The following PVT1 variants were observed in gnomAD, a reference collection of about 807,000 sequenced individuals.
PVT1 encodes the protein Pvt1 oncogene.
intron 3 of PVT1, among the ~76,000 whole-genome samples, chr8:127,958,247 T>TC (rs1484774146): frequency 6.6e-6 from 1 of 151,396 alleles, no homozygotes; most frequent in South Asian, 2.1e-4. Flanking sequence ...TTCTTTTCTT[T>TC]CTTTTTTTTT....
intron 2 of PVT1, among the ~76,000 whole-genome samples, chr8:127,820,289 A>G (rs749052253): frequency 1.3e-5 from 2 of 152,170 alleles, no homozygotes; most frequent in African/African-American, 2.4e-5. Context: ...CAGCCCAGAA[A>G]CTGATAGCTG....
At chr8:128,050,612 C>T (rs2130104292) in intron 4 of PVT1, among the ~76,000 whole-genome samples, 1 of 152,318 alleles carries the variant, frequency 6.6e-6, no homozygotes, top group East Asian at 1.9e-4. Context: ...TCAGAGAGTG[C>T]TGGGTTCAGA....
intron 2 of PVT1, among the ~76,000 whole-genome samples, chr8:127,845,630 A>C (rs1586404067): frequency 6.6e-6 from 1 of 152,206 alleles, no homozygotes; most frequent in Non-Finnish European, 1.5e-5. Context: ...TCTTCCACCT[A>C]CCGGATGGGA....
At chr8:127,955,810 C>T (rs762673742) in intron 3 of PVT1, among the ~76,000 whole-genome samples, 2 of 152,164 alleles carry the variant, frequency 1.3e-5, no homozygotes, top group African/African-American at 4.8e-5. Flanking sequence ...GTCTCAAACT[C>T]CTAGCCTCAA....
At chr8:128,034,430 A>T (rs879517781) in intron 4 of PVT1, among the ~76,000 whole-genome samples, 1 of 152,128 alleles carries the variant, frequency 6.6e-6, no homozygotes, top group Non-Finnish European at 1.5e-5. Context: ...ATTTTGGAAC[A>T]TTACACTTCC....
intron 2 of PVT1, among the ~76,000 whole-genome samples, chr8:127,867,118 C>G (rs899846177): frequency 2.0e-5 from 3 of 152,260 alleles, no homozygotes; most frequent in Non-Finnish European, 1.5e-5. Flanking sequence ...CAGTTCTGCT[C>G]AAGACCTGCC....
intron 3 of PVT1, among the ~76,000 whole-genome samples, chr8:127,957,391 A>T (rs993952629): frequency 2.0e-5 from 3 of 152,084 alleles, no homozygotes; most frequent in Non-Finnish European, 4.4e-5. Flanking sequence ...ACATGGTGAA[A>T]CCCCATCTCT....
intron 5 of PVT1, among the ~76,000 whole-genome samples, chr8:128,082,076 C>T (rs1258968142): frequency 2.0e-5 from 3 of 152,156 alleles, no homozygotes; most frequent in Non-Finnish European, 4.4e-5. Context: ...GCTACAAAGT[C>T]TCATAGGGTA....
chr8:127,889,822 G>A (rs932718072), intron 2 of PVT1, among the ~76,000 whole-genome samples: 3 of 152,164 alleles, frequency 2.0e-5, no homozygotes, highest in African/African-American at 4.8e-5. Context: ...AGATGGAGAG[G>A]CCAGAGTTTT....
intron 3 of PVT1, among the ~76,000 whole-genome samples, chr8:127,987,699 A>G (rs1295722042): frequency 6.6e-6 from 1 of 152,244 alleles, no homozygotes. Context: ...CTCTTTAAGT[A>G]GTAGAACTGG....
At chr8:127,942,083 C>T (rs572388017) in intron 3 of PVT1, among the ~76,000 whole-genome samples, 1 of 152,174 alleles carries the variant, frequency 6.6e-6, no homozygotes, top group African/African-American at 2.4e-5. Flanking sequence ...AGAGTGTGAT[C>T]CCATGTCCCC....
chr8:127,906,610 G>A (rs1397227704), intron 3 of PVT1, among the ~76,000 whole-genome samples: 1 of 152,090 alleles, frequency 6.6e-6, no homozygotes, highest in East Asian at 1.9e-4. Context: ...AGAGGGGGAT[G>A]GGGGGTGGAC....
At chr8:127,991,417 C>T (rs1817040256) in intron 4 of PVT1, among the ~76,000 whole-genome samples, 1 of 151,974 alleles carries the variant, frequency 6.6e-6, no homozygotes, top group South Asian at 2.1e-4. Flanking sequence ...TCTTTTTGAC[C>T]CTCAGGGACA....
chr8:127,969,420 C>T (rs144854853), intron 3 of PVT1, among the ~76,000 whole-genome samples: 2 of 152,284 alleles, frequency 1.3e-5, no homozygotes, highest in East Asian at 1.9e-4. Context: ...TTTCAGACCC[C>T]GGCCTTTCCA....
At chr8:128,059,210 T>G (rs192116901) in intron 4 of PVT1, among the ~76,000 whole-genome samples, 1 of 152,282 alleles carries the variant, frequency 6.6e-6, no homozygotes, top group East Asian at 1.9e-4. Flanking sequence ...AGAACCCCCT[T>G]TGTACAATTA....
intron 3 of PVT1, among the ~76,000 whole-genome samples, chr8:127,895,848 T>C (rs1815667903): frequency 6.6e-6 from 1 of 152,226 alleles, no homozygotes; most frequent in Non-Finnish European, 1.5e-5. Context: ...TCTGTACTGC[T>C]TGTCAGTTCT....
At chr8:127,841,767 C>G (rs929122094) in intron 2 of PVT1, among the ~76,000 whole-genome samples, 1 of 152,026 alleles carries the variant, frequency 6.6e-6, no homozygotes, top group Non-Finnish European at 1.5e-5. Context: ...ACTCTGTCAC[C>G]CAGGCTGGAG....
chr8:127,897,829 G>GA (rs774682351), intron 3 of PVT1, among the ~76,000 whole-genome samples: 4 of 98,772 alleles, frequency 4.0e-5, no homozygotes, highest in African/African-American at 7.7e-5. Context: ...GAAAAGAAAA[G>GA]AAAGAAAGAA....
intron 4 of PVT1, among the ~76,000 whole-genome samples, chr8:128,017,986 A>G (rs576659750): frequency 1.3e-5 from 2 of 152,292 alleles, no homozygotes; most frequent in African/African-American, 4.8e-5. Context: ...GAATACGTAG[A>G]TTTATTTCAG....
Sources: gnomAD v4.1 joint callset for allele counts (sites outside exome capture counted in the v4.1 genomes callset) on GRCh38, gnomAD v4.1.1 for gene constraint, MANE v1.5 for transcripts, NCBI Gene and HGNC (gene_info 2026-07-23, HGNC 2026-07-21) for gene names.